Variants in MS4A4E observed in about 807,000 individuals in gnomAD.
The protein encoded by MS4A4E is membrane spanning 4-domains A4E.
A neutral mutation model predicts 13.3 loss-of-function variants in MS4A4E; 23 were observed. The observed-to-expected ratio is 1.73, with a 90% CI of 1.25 to 2.45. The LOEUF (loss-of-function observed/expected upper bound fraction) is 2.45, where lower values mean the gene tolerates loss of function less well. Ranked by LOEUF, MS4A4E falls within the 30% of genes most tolerant of loss-of-function variation. The probability of loss-of-function intolerance (pLI) is 0.00; values close to 1 mark genes in which losing one functional copy is unlikely to be tolerated. For synonymous variants in MS4A4E, 36 were observed against 45.6 expected, an observed-to-expected ratio of 0.79 and a Z score of 0.85; for missense variants, 144 against 131.2, an observed-to-expected ratio of 1.10 and a Z score of -0.48.
chr11:60,213,438 T>C (rs995400663), intron 4 of MS4A4E: 2 of 728,880 alleles, frequency 2.7e-6, no homozygotes, highest in African/African-American at 3.6e-5. Context: ...CATTCCTTGC[T>C]TCTGGTGCCC....
chr11:60,216,072 C>T (rs2084187870), intron 3 of MS4A4E, among the ~76,000 whole-genome samples: 1 of 152,028 alleles, frequency 6.6e-6, no homozygotes, highest in Non-Finnish European at 1.5e-5. Flanking sequence ...GGTACTGGTA[C>T]TTATACTGTA....
intron 4 of MS4A4E, 33 bp from the exon 5 acceptor site, chr11:60,213,165 A>C (rs890953994): frequency 2.2e-6 from 2 of 915,540 alleles, no homozygotes; most frequent in Non-Finnish European, 3.3e-6. Flanking sequence ...TAAGCAATCC[A>C]ACATCATCCT....
At chr11:60,234,191 T>G (rs532033973) in intron 1 of MS4A4E, among the ~76,000 whole-genome samples, 2 of 152,296 alleles carry the variant, frequency 1.3e-5, no homozygotes, top group East Asian at 3.9e-4. Context: ...TCCAGATAAG[T>G]CATACCTTGA....
intron 3 of MS4A4E, among the ~76,000 whole-genome samples, chr11:60,227,635 GA>G (rs1404017508): frequency 1.1e-4 from 17 of 151,968 alleles, no homozygotes; most frequent in Non-Finnish European, 2.4e-4. Context: ...AAAAGACTTA[GA>G]ATAACAAAAA....
At chr11:60,241,260 G>A (rs1016232579) in intron 1 of MS4A4E, among the ~76,000 whole-genome samples, 13 of 152,120 alleles carry the variant, frequency 8.5e-5, no homozygotes, top group Admixed American at 3.9e-4. Context: ...CTCTGACCTC[G>A]TGATCCACCC....
chr11:60,209,132 T>C (rs2084087651), intron 5 of MS4A4E: 1 of 152,210 alleles, frequency 6.6e-6, no homozygotes, highest in Non-Finnish European at 1.5e-5. Flanking sequence ...GGGATTTGAA[T>C]GCAGACCTCC....
chr11:60,242,847 A>C (rs1453770952), intron 1 of MS4A4E, 111 bp downstream of exon 1: 8 of 708,002 alleles, frequency 1.1e-5, no homozygotes, highest in Non-Finnish European at 1.8e-5. Context: ...AGCTTGGGTC[A>C]TGGGAAGTGA....
intron 5 of MS4A4E, among the ~76,000 whole-genome samples, chr11:60,210,461 A>G (rs1212310631): frequency 6.6e-6 from 1 of 152,196 alleles, no homozygotes; most frequent in Non-Finnish European, 1.5e-5. Context: ...TTACATATAT[A>G]TCTTAGCTTG....
chr11:60,237,879 T>C, intron 1 of MS4A4E, among the ~76,000 whole-genome samples: 1 of 152,258 alleles, frequency 6.6e-6, no homozygotes, highest in African/African-American at 2.4e-5. Context: ...TGGATGAGTA[T>C]TTTTATCATA....
At chr11:60,202,286 A>G (rs149127774) in intron 8 of MS4A4E, among the ~76,000 whole-genome samples, 9 of 152,328 alleles carry the variant, frequency 5.9e-5, no homozygotes, top group Middle Eastern at 3.4e-3. Flanking sequence ...CTGTTGGCAA[A>G]TTGTTGCTAT....
intron 3 of MS4A4E, among the ~76,000 whole-genome samples, chr11:60,221,040 C>T (rs1319734315): frequency 6.6e-6 from 1 of 152,134 alleles, no homozygotes; most frequent in Non-Finnish European, 1.5e-5. Context: ...TGTTAGGAGC[C>T]TTTGGAAGTC....
chr11:60,205,188 C>G (rs1474806859), intron 7 of MS4A4E, among the ~76,000 whole-genome samples: 1 of 152,126 alleles, frequency 6.6e-6, no homozygotes, highest in Admixed American at 6.5e-5. Flanking sequence ...TCTCTAATGA[C>G]TCATATTTCA....
At chr11:60,207,984 G>T (rs2084069336) in intron 6 of MS4A4E, among the ~76,000 whole-genome samples, 1 of 152,178 alleles carries the variant, frequency 6.6e-6, no homozygotes, top group South Asian at 2.1e-4. Context: ...TACTTTTGGG[G>T]ACCTCTTCAT....
chr11:60,241,970 T>G (rs1439451503), intron 1 of MS4A4E, among the ~76,000 whole-genome samples: 1 of 152,180 alleles, frequency 6.6e-6, no homozygotes, highest in African/African-American at 2.4e-5. Flanking sequence ...AGCAGTCTCT[T>G]GTTTCCTCAT....
At chr11:60,219,143 A>G (rs2084233017) in intron 3 of MS4A4E, among the ~76,000 whole-genome samples, 1 of 152,226 alleles carries the variant, frequency 6.6e-6, no homozygotes. Flanking sequence ...GGGAGGGTTC[A>G]GAAGATATAC....
intron 3 of MS4A4E, among the ~76,000 whole-genome samples, chr11:60,218,900 A>T (rs2084230503): frequency 6.6e-6 from 1 of 152,200 alleles, no homozygotes; most frequent in Non-Finnish European, 1.5e-5. Context: ...GGCTGAATTT[A>T]TTGATTTGGG....
At chr11:60,221,929 C>A (rs769275051) in intron 3 of MS4A4E, among the ~76,000 whole-genome samples, 8 of 152,144 alleles carry the variant, frequency 5.3e-5, no homozygotes, top group Non-Finnish European at 1.0e-4. Context: ...CTCCAGCCAC[C>A]CCTGTCATTG....
chr11:60,212,207 G>A (rs573868016), intron 5 of MS4A4E, among the ~76,000 whole-genome samples: 2 of 152,036 alleles, frequency 1.3e-5, no homozygotes, highest in East Asian at 1.9e-4. Context: ...AGTGGTTAAC[G>A]TTGCAAGAAC....
chr11:60,237,433 G>T (rs953551098), intron 1 of MS4A4E, among the ~76,000 whole-genome samples: 2 of 152,160 alleles, frequency 1.3e-5, no homozygotes, highest in Non-Finnish European at 2.9e-5. Flanking sequence ...CTTTAAAATA[G>T]AATGATTTCT....
Sources: allele counts gnomAD v4.1 joint callset (sites outside exome capture counted in the v4.1 genomes callset), GRCh38; gene constraint gnomAD v4.1.1; transcripts MANE v1.5; gene names NCBI Gene and HGNC (gene_info 2026-07-23, HGNC 2026-07-21).